Variants in TGFBRAP1 observed in about 807,000 individuals in gnomAD.
The protein encoded by TGFBRAP1 is transforming growth factor-beta receptor-associated protein 1.
Under a neutral mutation model 83.2 loss-of-function variants are expected in TGFBRAP1, and 20 were observed. The ratio of observed to expected loss-of-function variants is 0.24; its 90% confidence interval spans 0.17 to 0.35. TGFBRAP1 has a LOEUF of 0.35. TGFBRAP1 is among the 10% of genes least tolerant of loss of function. TGFBRAP1 has a pLI of 1.00. For synonymous variants in TGFBRAP1, 415 were observed against 459.8 expected (o/e 0.90, Z 1.25); for missense variants, 950 against 1,099.4 (o/e 0.86, Z 1.92).
intron 5 of TGFBRAP1, 48 bp downstream of exon 5, chr2:105,284,266 CCA>C (rs1180936486): frequency 6.4e-7 from 1 of 1,562,062 alleles, no homozygotes; most frequent in East Asian, 2.2e-5. Context: ...CAGGTTCTGG[CCA>C]CAGAGGGACA....
chr2:105,328,124 C>A (rs942832187), intron 1 of TGFBRAP1, among the ~76,000 whole-genome samples: 9 of 152,168 alleles, frequency 5.9e-5, no homozygotes, highest in Non-Finnish European at 1.2e-4. Context: ...AATTCATGTG[C>A]CTTTTCTAAT....
chr2:105,300,468 G>A (rs1200870131), intron 2 of TGFBRAP1, among the ~76,000 whole-genome samples: 14 of 125,838 alleles, frequency 1.1e-4, no homozygotes, highest in South Asian at 2.6e-4. Context: ...AGACAGTCTC[G>A]CTCTGTTGCC....
intron 7 of TGFBRAP1, 91 bp downstream of exon 7, chr2:105,277,522 CT>C: frequency 1.9e-6 from 2 of 1,062,186 alleles, no homozygotes; most frequent in Non-Finnish European, 2.7e-6. Flanking sequence ...CAAAAGTGGT[CT>C]CTATCAACTT....
At chr2:105,310,350 A>C (rs1678650746) in intron 1 of TGFBRAP1, among the ~76,000 whole-genome samples, 1 of 152,142 alleles carries the variant, frequency 6.6e-6, no homozygotes, top group East Asian at 1.9e-4. Context: ...GGGCACCAAG[A>C]GATTAGACTA....
At chr2:105,298,985 A>T (rs1319633333) in intron 2 of TGFBRAP1, among the ~76,000 whole-genome samples, 2 of 152,214 alleles carry the variant, frequency 1.3e-5, no homozygotes, top group Non-Finnish European at 2.9e-5. Context: ...TAGCAAAATA[A>T]AAAATAAAAT....
rs190330509 is a variant in TGFBRAP1 at position 105,276,449 on chromosome 2, C to G, written c.1522-746G>C. On this transcript the variant is annotated intron_variant, in intron 7 of 11. Coordinates refer to ENST00000393359, the MANE Select transcript of TGFBRAP1 (RefSeq NM_004257.6). The stretch of plus-strand genomic sequence containing the variant: ...ACAGCACCAGGAAGGAGCCCAGAAA[C>G]AGGGGTGGCATATGAATTCTGGAAT... Among the ~76,000 whole-genome samples the G allele has an allele frequency of 4.3e-3, 655 of 152,292 alleles. 4 individuals carry two copies. Among genetic ancestry groups the G allele is most frequent in the Non-Finnish European group, 4.8e-3 (325 of 68,024 alleles).
chr2:105,307,868 C>A lies in TGFBRAP1; in HGVS notation c.434G>T (p.Arg145Leu), dbSNP rs1402526913. 3.7e-6 allele frequency: 6 copies of A among 1,614,208 alleles called. No individual in the cohort carries two copies. Among genetic ancestry groups the A allele is most frequent in the Non-Finnish European group, 5.1e-6 (6 of 1,180,036 alleles). The change falls in exon 2 of 12, where the codon CGC becomes CTC. Residue 145 changes from arginine to leucine, a missense_variant. Coordinates refer to ENST00000393359, the MANE Select transcript of TGFBRAP1 (RefSeq NM_004257.6). ...CVEVCIISVK[R>L]RTIQMFLVYE... ...CACCAGAAACATCTGGATGGTTCTG[C>A]GTTTGACAGAGATGATGCAAACTTC...
intron 2 of TGFBRAP1, among the ~76,000 whole-genome samples, chr2:105,304,499 C>A (rs1431136701): frequency 6.6e-6 from 1 of 152,154 alleles, no homozygotes; most frequent in Non-Finnish European, 1.5e-5. Flanking sequence ...ATGCATATTA[C>A]CGGCTGGGCA....
chr2:105,270,466 A>G (rs1408396203), intron 10 of TGFBRAP1, among the ~76,000 whole-genome samples: 1 of 152,184 alleles, frequency 6.6e-6, no homozygotes, highest in Non-Finnish European at 1.5e-5. Flanking sequence ...CTGCATTGCA[A>G]TTAAACTCTG....
At chr2:105,299,261 A>T (rs1678200774) in intron 2 of TGFBRAP1, among the ~76,000 whole-genome samples, 1 of 152,224 alleles carries the variant, frequency 6.6e-6, no homozygotes, top group Non-Finnish European at 1.5e-5. Context: ...AGCCTGGGCG[A>T]CAGAGTGAGA....
At chr2:105,253,734 C>A in the TGFBRAP1 span, among the ~76,000 whole-genome samples, 1 of 152,116 alleles carries the variant, frequency 6.6e-6, no homozygotes, top group Non-Finnish European at 1.5e-5. Context: ...TGAACCTGGC[C>A]TCCTAGTTTA....
intron 1 of TGFBRAP1, among the ~76,000 whole-genome samples, chr2:105,313,795 A>G (rs1558653008): frequency 1.3e-5 from 2 of 152,082 alleles, no homozygotes; most frequent in Non-Finnish European, 2.9e-5. Context: ...TTATAAATTA[A>G]AAGAAAAAAC....
the TGFBRAP1 span, among the ~76,000 whole-genome samples, chr2:105,257,278 TA>T: frequency 1.2e-4 from 19 of 152,306 alleles, no homozygotes; most frequent in African/African-American, 4.3e-4. Context: ...TTTATGGTGG[TA>T]AAATATACAT....
intron 1 of TGFBRAP1, among the ~76,000 whole-genome samples, chr2:105,311,259 C>G (rs930932522): frequency 1.3e-5 from 2 of 151,724 alleles, no homozygotes; most frequent in Non-Finnish European, 2.9e-5. Context: ...AACTGTTATT[C>G]AAGCCTTGCT....
At chr2:105,310,155 C>T (rs567921439) in intron 1 of TGFBRAP1, among the ~76,000 whole-genome samples, 16 of 152,170 alleles carry the variant, frequency 1.1e-4, no homozygotes, top group Non-Finnish European at 1.5e-4. Flanking sequence ...ATGAGAATAA[C>T]GGTACCTACT....
intron 2 of TGFBRAP1, among the ~76,000 whole-genome samples, chr2:105,306,370 T>A (rs977229229): frequency 2.0e-5 from 3 of 152,156 alleles, no homozygotes; most frequent in Admixed American, 6.5e-5. Flanking sequence ...CCCAGAGTTA[T>A]TTTTGTAGTT....
chr2:105,313,671 A>G (rs897148044), intron 1 of TGFBRAP1, among the ~76,000 whole-genome samples: 1 of 152,200 alleles, frequency 6.6e-6, no homozygotes, highest in African/African-American at 2.4e-5. Flanking sequence ...ATAAACCTGC[A>G]AAAACACTAA....
At chr2:105,324,696 T>C (rs1679172968) in intron 1 of TGFBRAP1, among the ~76,000 whole-genome samples, 1 of 152,046 alleles carries the variant, frequency 6.6e-6, no homozygotes, top group Non-Finnish European at 1.5e-5. Context: ...GGGCTGAGAT[T>C]GGGTTGGGGT....
At chr2:105,281,273 C>T (rs1677528273) in intron 5 of TGFBRAP1, among the ~76,000 whole-genome samples, 2 of 152,202 alleles carry the variant, frequency 1.3e-5, no homozygotes, top group Non-Finnish European at 2.9e-5. Context: ...AATTTCAGAG[C>T]CTAACATTGT....
Sources: allele counts gnomAD v4.1 joint callset (sites outside exome capture counted in the v4.1 genomes callset), GRCh38; gene constraint gnomAD v4.1.1; transcripts MANE v1.5; gene names NCBI Gene and HGNC (gene_info 2026-07-23, HGNC 2026-07-21).